CCDC83: variants seen among roughly 807,000 people sequenced by gnomAD.
The protein encoded by CCDC83 is coiled-coil domain containing 83, also known as coiled-coil domain-containing protein 83.
In CCDC83, 54 loss-of-function variants were observed where a neutral mutation model predicts 50.1. That is an observed-to-expected ratio of 1.08 (90% CI 0.87 to 1.35). CCDC83 has a LOEUF of 1.35. Ranked by LOEUF, CCDC83 falls within the 40% of genes most tolerant of loss-of-function variation. The pLI is 0.00. For missense variants in CCDC83, 518 were observed against 473.9 expected (o/e 1.09, Z -0.86); for synonymous variants, 161 against 153.3 (o/e 1.05, Z -0.37).
At chr11:85,905,216 G>A (rs765305962) in intron 7 of CCDC83, among the ~76,000 whole-genome samples, 8 of 152,028 alleles carry the variant, frequency 5.3e-5, no homozygotes, top group South Asian at 2.1e-4. Flanking sequence ...GCTGAGGTGA[G>A]AGGATCACCT....
chr11:85,871,466 C>T (rs890283177), intron 2 of CCDC83, among the ~76,000 whole-genome samples: 3 of 151,760 alleles, frequency 2.0e-5, no homozygotes, highest in Non-Finnish European at 4.4e-5. Context: ...TGCATTTTCT[C>T]ATTATTGGGA....
At chr11:85,916,378 C>G (rs1262063228) in intron 10 of CCDC83, 145 bp downstream of exon 10, 1 of 678,222 alleles carries the variant, frequency 1.5e-6, no homozygotes, top group Non-Finnish European at 2.6e-6. Flanking sequence ...ATTCACATCT[C>G]TCATTTGGAT....
chr11:85,906,168 C>T (rs997716897), intron 7 of CCDC83, among the ~76,000 whole-genome samples: 1 of 151,490 alleles, frequency 6.6e-6, no homozygotes. Flanking sequence ...CAGGTTCAAG[C>T]GATTCTCCTG....
At chr11:85,894,291 A>C (rs11234465) in intron 5 of CCDC83, among the ~76,000 whole-genome samples, 39,957 of 151,904 alleles carry the variant, frequency 0.26, 5,596 homozygotes, top group Middle Eastern at 0.29. Context: ...CCAGAAATCT[A>C]GCAGCCACGA....
At chr11:85,885,680 T>C (rs1325076841) in intron 4 of CCDC83, among the ~76,000 whole-genome samples, 1 of 152,228 alleles carries the variant, frequency 6.6e-6, no homozygotes, top group Admixed American at 6.5e-5. Context: ...ATTATGACTA[T>C]CAGAGGCTAT....
At chr11:85,879,754 G>A (rs562060458) in intron 3 of CCDC83, among the ~76,000 whole-genome samples, 1 of 152,146 alleles carries the variant, frequency 6.6e-6, no homozygotes, top group South Asian at 2.1e-4. Flanking sequence ...TCAGTAGCTG[G>A]GATTACAAGC....
At chr11:85,887,704 G>A (rs1306828435) in intron 5 of CCDC83, among the ~76,000 whole-genome samples, 1 of 150,846 alleles carries the variant, frequency 6.6e-6, no homozygotes, top group Non-Finnish European at 1.5e-5. Flanking sequence ...TAAATATGAT[G>A]TCTTACTTGC....
At chr11:85,861,216 T>C (rs929310675) in intron 1 of CCDC83, among the ~76,000 whole-genome samples, 8 of 152,252 alleles carry the variant, frequency 5.3e-5, no homozygotes, top group Non-Finnish European at 1.2e-4. Flanking sequence ...TGAATATGTA[T>C]TTCAGCTTTG....
chr11:85,876,764 C>CA (rs2093271784), intron 3 of CCDC83, among the ~76,000 whole-genome samples: 1 of 152,176 alleles, frequency 6.6e-6, no homozygotes, highest in South Asian at 2.1e-4. Flanking sequence ...CTCAGCTTCC[C>CA]AAAATGTTGG....
chr11:85,860,898 T>A (rs2093172298), intron 1 of CCDC83, among the ~76,000 whole-genome samples: 1 of 152,152 alleles, frequency 6.6e-6, no homozygotes, highest in Non-Finnish European at 1.5e-5. Flanking sequence ...AAAGCAATAC[T>A]GCATGTTCTC....
At chr11:85,887,780 T>C (rs1206016869) in intron 5 of CCDC83, among the ~76,000 whole-genome samples, 1 of 149,606 alleles carries the variant, frequency 6.7e-6, no homozygotes, top group African/African-American at 2.5e-5. Context: ...ATTCTTCCAG[T>C]GGTTGCATGG....
At chr11:85,881,111 G>A (rs1336949270) in intron 3 of CCDC83, among the ~76,000 whole-genome samples, 1 of 152,158 alleles carries the variant, frequency 6.6e-6, no homozygotes, top group Non-Finnish European at 1.5e-5. Flanking sequence ...GCTTATGCCT[G>A]TAGTCCCAGC....
At chr11:85,904,261 C>T (rs2093415406) in intron 7 of CCDC83, among the ~76,000 whole-genome samples, 1 of 152,192 alleles carries the variant, frequency 6.6e-6, no homozygotes, top group African/African-American at 2.4e-5. Context: ...CTATTACTGA[C>T]ATCTTACATT....
At chr11:85,917,531 C>T (rs1243651850) in intron 10 of CCDC83, among the ~76,000 whole-genome samples, 1 of 152,286 alleles carries the variant, frequency 6.6e-6, no homozygotes, top group South Asian at 2.1e-4. Context: ...TTCATTAAAA[C>T]CTGGAGTATT....
At chr11:85,881,134 C>T (rs528110806) in intron 3 of CCDC83, among the ~76,000 whole-genome samples, 4 of 151,942 alleles carry the variant, frequency 2.6e-5, no homozygotes, top group African/African-American at 7.3e-5. Context: ...TTTGGGAGGC[C>T]GCGGCAGATG....
At chr11:85,882,331 C>A (rs1303023005) in intron 3 of CCDC83, among the ~76,000 whole-genome samples, 182 bp from the exon 4 acceptor site, 1 of 152,100 alleles carries the variant, frequency 6.6e-6, no homozygotes, top group Non-Finnish European at 1.5e-5. Context: ...CTAGCTTTTA[C>A]TGGCATTGCT....
chr11:85,875,038 T>C (rs1284912361), intron 3 of CCDC83, among the ~76,000 whole-genome samples: 1 of 151,996 alleles, frequency 6.6e-6, no homozygotes, highest in East Asian at 1.9e-4. Context: ...TTTTATTGAG[T>C]GATGAAACAG....
In CCDC83 at chr11:85,855,426, G is replaced by A. The variant is rs2093133749; in HGVS notation, c.-187G>A. The A allele has an allele frequency of 6.6e-6, 1 of 152,306 alleles. No homozygotes were observed. Among genetic ancestry groups the A allele is most frequent in the African/African-American group, 2.4e-5 (1 of 41,462 alleles). The allele number at this position is 152,306 out of a possible 1,614,324, so 9.4% of individuals were successfully genotyped here. A position where few individuals can be genotyped will look rare whatever the true frequency, so the allele number is the denominator to read the frequency against. ...TTGGGCCGTTAGGAGCTGCTGGGAA[G>A]GGCTCTGATAGGCCCACTCCTCTTC... On this transcript the variant is annotated 5_prime_UTR_variant, in exon 1 of 11. Transcript: ENST00000342404.
chr11:85,892,418 C>T (rs2093354676), intron 5 of CCDC83, among the ~76,000 whole-genome samples: 1 of 152,168 alleles, frequency 6.6e-6, no homozygotes, highest in Admixed American at 6.6e-5. Flanking sequence ...GAGATTCTCA[C>T]ATTCACCCTT....
Sources: allele counts gnomAD v4.1 joint callset (sites outside exome capture counted in the v4.1 genomes callset), GRCh38; gene constraint gnomAD v4.1.1; transcripts MANE v1.5; gene names NCBI Gene and HGNC (gene_info 2026-07-23, HGNC 2026-07-21).